CSMD1: variants seen among roughly 807,000 people sequenced by gnomAD.
The protein encoded by CSMD1 is CUB and sushi domain-containing protein 1.
CSMD1 carries 213 observed loss-of-function variants against 417.5 expected under a neutral mutation model. The ratio of observed to expected loss-of-function variants is 0.51; its 90% CI spans 0.46 to 0.57. The LOEUF (loss-of-function observed/expected upper bound fraction) is 0.57, where lower values mean the gene tolerates loss of function less well. Among genes scored for constraint, CSMD1 ranks in the 20% least tolerant of loss-of-function variants. CSMD1 has a pLI of 0.00. For synonymous variants in CSMD1, 2,862 were observed against 1,736.8 expected (o/e 1.65, Z -16.11); for missense variants, 6,923 against 4,529.7 (o/e 1.53, Z -15.17).
chr8:3,262,096 A>G (rs1476838409), intron 26 of CSMD1, among the ~76,000 whole-genome samples: 2 of 151,000 alleles, frequency 1.3e-5, no homozygotes, highest in East Asian at 3.9e-4. Context: ...TTAAAAAAGT[A>G]AAGGTTATGT....
At chr8:4,429,357 C>T (rs1374930090) in intron 2 of CSMD1, among the ~76,000 whole-genome samples, 1 of 152,018 alleles carries the variant, frequency 6.6e-6, no homozygotes, top group East Asian at 1.9e-4. Flanking sequence ...CATAGATATA[C>T]ACACATTTTA....
intron 2 of CSMD1, among the ~76,000 whole-genome samples, chr8:4,444,336 G>T (rs1391247140): frequency 1.1e-5 from 1 of 92,992 alleles, no homozygotes; most frequent in African/African-American, 4.8e-5. Context: ...TACAGAGTGA[G>T]ACTCCATCTC....
chr8:4,697,350 A>G (rs1206340700), intron 1 of CSMD1, among the ~76,000 whole-genome samples: 1 of 152,076 alleles, frequency 6.6e-6, no homozygotes, highest in African/African-American at 2.4e-5. Context: ...TCTGAGAAAT[A>G]TTTATGATGC....
At chr8:4,209,944 C>G (rs931250012) in intron 3 of CSMD1, among the ~76,000 whole-genome samples, 42 of 152,314 alleles carry the variant, frequency 2.8e-4, no homozygotes, top group African/African-American at 9.6e-4. Flanking sequence ...GTTGCTATGA[C>G]AATGGTAAAC....
At chr8:3,898,814 A>G (rs772496646) in intron 5 of CSMD1, among the ~76,000 whole-genome samples, 10 of 152,218 alleles carry the variant, frequency 6.6e-5, no homozygotes, top group African/African-American at 9.6e-5. Context: ...AAATTTAATT[A>G]ATAAATCATC....
intron 3 of CSMD1, among the ~76,000 whole-genome samples, chr8:4,044,127 T>C (rs1018313925): frequency 1.3e-5 from 2 of 152,222 alleles, no homozygotes; most frequent in African/African-American, 2.4e-5. Context: ...CTGGCTCACA[T>C]GTTCTCATCT....
intron 12 of CSMD1, among the ~76,000 whole-genome samples, chr8:3,451,603 T>C (rs953311844): frequency 6.6e-6 from 1 of 152,214 alleles, no homozygotes; most frequent in Non-Finnish European, 1.5e-5. Context: ...TTTTGTCAGG[T>C]TTGTCAAAGA....
At chr8:4,643,173 C>T (rs1453288493) in intron 1 of CSMD1, among the ~76,000 whole-genome samples, 3 of 152,126 alleles carry the variant, frequency 2.0e-5, no homozygotes, top group Non-Finnish European at 2.9e-5. Context: ...GTTTTTATCC[C>T]GTTTGCAAAA....
intron 4 of CSMD1, among the ~76,000 whole-genome samples, chr8:4,020,019 T>C (rs1796711331): frequency 6.6e-6 from 1 of 152,056 alleles, no homozygotes. Context: ...TCTGGGCACT[T>C]AGTTCTGAAA....
chr8:4,565,855 TC>T (rs539394919), intron 2 of CSMD1, among the ~76,000 whole-genome samples: 59 of 148,548 alleles, frequency 4.0e-4, no homozygotes, highest in South Asian at 6.4e-4. Flanking sequence ...ATTTAGTCAT[TC>T]CAGATTTTCT....
At chr8:4,790,379 A>G (rs1797627168) in intron 1 of CSMD1, among the ~76,000 whole-genome samples, 1 of 152,212 alleles carries the variant, frequency 6.6e-6, no homozygotes. Flanking sequence ...AAGAATCAAT[A>G]TTGTTAAAAT....
chr8:4,500,124 T>A (rs1308848875), intron 2 of CSMD1, among the ~76,000 whole-genome samples: 1 of 151,710 alleles, frequency 6.6e-6, no homozygotes, highest in Admixed American at 6.6e-5. Context: ...GAGAATACAA[T>A]GTCTCTGAAG....
intron 1 of CSMD1, among the ~76,000 whole-genome samples, chr8:4,861,363 T>C (rs988080036): frequency 2.0e-5 from 3 of 152,126 alleles, no homozygotes; most frequent in Admixed American, 6.6e-5. Flanking sequence ...ATGGGTTCAA[T>C]AGTTCCTTCT....
chr8:3,627,474 G>C lies in CSMD1; in HGVS notation c.1010-10677C>G, dbSNP rs79005273. 3.3e-4 allele frequency among the ~76,000 whole-genome samples: 50 copies of C among 152,134 alleles called. 1 individual carries two copies. The East Asian group carries it at 8.9e-3, about 27-fold the overall frequency. On this transcript the variant is annotated intron_variant, in intron 7 of 69. Transcript: ENST00000635120. Reference sequence around the variant, plus strand: ...AAGACTATGTAGGTTATTTAAAGTCGTGCTATTATTTTTATTTATATAACC... The same window carrying C: ...AAGACTATGTAGGTTATTTAAAGTCCTGCTATTATTTTTATTTATATAACC...
rs184011252 is a variant in CSMD1, at chr8:2,984,638, C to T, written c.8378-5838G>A. 4.6e-3 allele frequency among the ~76,000 whole-genome samples: 697 copies of T among 152,310 alleles called. 3 individuals are homozygous for T. Among genetic ancestry groups the T allele is most frequent in the African/African-American group, 0.016 (665 of 41,576 alleles). ...CTGGGATTACAGGCATGAGCCACCGCGCCTCGCCTCATTCTTTTACTTCAT... is the reference window on the plus strand; with the variant it reads ...CTGGGATTACAGGCATGAGCCACCGTGCCTCGCCTCATTCTTTTACTTCAT... On this transcript the variant is annotated intron_variant, in intron 54 of 69. Transcript: ENST00000635120.
chr8:3,594,369 A>C (rs1260322225), intron 8 of CSMD1, among the ~76,000 whole-genome samples: 1 of 152,206 alleles, frequency 6.6e-6, no homozygotes, highest in East Asian at 1.9e-4. Context: ...CTTATGCTGG[A>C]AACTGAAATT....
chr8:3,903,214 C>T (rs1285129462), intron 5 of CSMD1, among the ~76,000 whole-genome samples: 2 of 152,028 alleles, frequency 1.3e-5, no homozygotes, highest in Non-Finnish European at 1.5e-5. Context: ...GACTCTGCAC[C>T]AGTGGCCTCT....
intron 15 of CSMD1, among the ~76,000 whole-genome samples, chr8:3,404,892 G>C (rs774812130): frequency 6.6e-6 from 1 of 151,988 alleles, no homozygotes. Context: ...GCTGTTTGAA[G>C]CTGAATCATT....
intron 3 of CSMD1, among the ~76,000 whole-genome samples, chr8:4,136,658 C>A (rs1010210920): frequency 2.0e-5 from 3 of 152,068 alleles, no homozygotes; most frequent in African/African-American, 7.2e-5. Flanking sequence ...TCCTTTTTTC[C>A]TCTTATTGTC....
Sources: gnomAD v4.1 joint callset for allele counts (sites outside exome capture counted in the v4.1 genomes callset) on GRCh38, gnomAD v4.1.1 for gene constraint, MANE v1.5 for transcripts, NCBI Gene and HGNC (gene_info 2026-07-23, HGNC 2026-07-21) for gene names.